The following TRIM44 variants were observed in gnomAD, a reference collection of about 807,000 sequenced individuals.
The protein encoded by TRIM44 is tripartite motif-containing protein 44.
Under a neutral mutation model 37.4 loss-of-function variants are expected in TRIM44, and 13 were observed. That is an observed-to-expected ratio of 0.35 (90% CI 0.23 to 0.55). TRIM44 has a LOEUF of 0.55. Among genes scored for constraint, TRIM44 ranks in the 20% least tolerant of loss-of-function variants. TRIM44 has a pLI of 0.89. For synonymous variants in TRIM44, 175 were observed against 157.2 expected, an observed-to-expected ratio of 1.11 and a Z score of -0.85; for missense variants, 426 against 437.2, an observed-to-expected ratio of 0.97 and a Z score of 0.23.
chr11:35,768,168 TA>T (rs1202982273), intron 4 of TRIM44, among the ~76,000 whole-genome samples: 1 of 152,226 alleles, frequency 6.6e-6, no homozygotes, highest in Non-Finnish European at 1.5e-5. Flanking sequence ...AGAGAATGTT[TA>T]ACTTGGATTC....
chr11:35,670,401 G>A (rs1851380589), intron 1 of TRIM44, among the ~76,000 whole-genome samples: 1 of 152,158 alleles, frequency 6.6e-6, no homozygotes, highest in African/African-American at 2.4e-5. Flanking sequence ...CCTTGTTTTG[G>A]ATGATCTTGA....
intron 4 of TRIM44, among the ~76,000 whole-genome samples, chr11:35,777,460 G>GT (rs2080053141): frequency 6.6e-6 from 1 of 152,064 alleles, no homozygotes; most frequent in Admixed American, 6.5e-5. Flanking sequence ...TACATTTAAG[G>GT]TTAATATTGT....
rs767991115 is a variant in TRIM44, at chr11:35,663,291, C to T, written c.180C>T (p.Tyr60=). 1.2e-6 allele frequency: 2 copies of T among 1,614,068 alleles called. No homozygotes were observed. Among genetic ancestry groups the T allele is most frequent in the East Asian group, 2.2e-5 (1 of 44,858 alleles). Residue 60 remains tyrosine, a synonymous_variant, in exon 1 of 5, where the codon TAC becomes TAT. Transcript: ENST00000299413. ...QKFLSHHLAE[Y]VHGSQAWTPP... ...TCCTCAGTCACCATCTGGCCGAATA[C>T]GTCCACGGCTCCCAGGCCTGGACCC...
At chr11:35,725,085 C>T (rs1852156726) in intron 2 of TRIM44, among the ~76,000 whole-genome samples, 1 of 151,792 alleles carries the variant, frequency 6.6e-6, no homozygotes. Context: ...CACACACACA[C>T]ACACACACAC....
At chr11:35,718,077 A>G (rs544607284) in intron 2 of TRIM44, among the ~76,000 whole-genome samples, 12 of 152,296 alleles carry the variant, frequency 7.9e-5, no homozygotes, top group East Asian at 3.9e-4. Flanking sequence ...TCTTTTGACA[A>G]TGCTCCTTAG....
intron 4 of TRIM44, among the ~76,000 whole-genome samples, chr11:35,767,068 C>T (rs910068605): frequency 2.0e-5 from 3 of 152,254 alleles, no homozygotes; most frequent in Non-Finnish European, 2.9e-5. Flanking sequence ...TGCTCTGGCT[C>T]TCAGACTGTC....
chr11:35,682,756 A>G (rs1851534241), intron 1 of TRIM44, among the ~76,000 whole-genome samples: 1 of 152,116 alleles, frequency 6.6e-6, no homozygotes, highest in South Asian at 2.1e-4. Context: ...CTGCTGACAC[A>G]CTGAATTTTT....
chr11:35,707,512 A>G (rs974933843), intron 2 of TRIM44, among the ~76,000 whole-genome samples: 1 of 152,178 alleles, frequency 6.6e-6, no homozygotes, highest in Non-Finnish European at 1.5e-5. Context: ...ACTTCAAACT[A>G]TACTACAAGG....
At chr11:35,727,656 T>C (rs1852195064) in intron 3 of TRIM44, among the ~76,000 whole-genome samples, 2 of 152,342 alleles carry the variant, frequency 1.3e-5, no homozygotes, top group South Asian at 4.1e-4. Context: ...TACGTCAGCA[T>C]TAACTCCATT....
At chr11:35,669,893 C>G (rs987911799) in intron 1 of TRIM44, among the ~76,000 whole-genome samples, 1 of 152,168 alleles carries the variant, frequency 6.6e-6, no homozygotes, top group African/African-American at 2.4e-5. Context: ...CGTGATCTTG[C>G]TCACTGCAAC....
chr11:35,764,813 C>T (rs1330314424), intron 4 of TRIM44, among the ~76,000 whole-genome samples: 1 of 152,106 alleles, frequency 6.6e-6, no homozygotes, highest in Non-Finnish European at 1.5e-5. Flanking sequence ...TATATCCTGG[C>T]ATTTTAACCA....
chr11:35,697,219 C>G, intron 2 of TRIM44, among the ~76,000 whole-genome samples: 1 of 115,944 alleles, frequency 8.6e-6, no homozygotes, highest in East Asian at 3.0e-4. Context: ...CCCCCTCCCC[C>G]CACCCCACAA....
intron 4 of TRIM44, among the ~76,000 whole-genome samples, chr11:35,804,574 A>G (rs556736589): frequency 6.6e-6 from 1 of 152,324 alleles, no homozygotes; most frequent in South Asian, 2.1e-4. Context: ...CAAGAGAACA[A>G]TGAGAGCTTG....
At chr11:35,772,733 A>G (rs1163389056) in intron 4 of TRIM44, among the ~76,000 whole-genome samples, 2 of 152,168 alleles carry the variant, frequency 1.3e-5, no homozygotes, top group Non-Finnish European at 2.9e-5. Context: ...GTATCTAGGA[A>G]GTAACTAAAT....
intron 2 of TRIM44, among the ~76,000 whole-genome samples, chr11:35,691,441 A>G (rs937447679): frequency 2.0e-5 from 3 of 152,212 alleles, no homozygotes; most frequent in Non-Finnish European, 2.9e-5. Flanking sequence ...CAATGGGATT[A>G]CATCCCAATA....
chr11:35,721,602 GA>G (rs1852107851), intron 2 of TRIM44, among the ~76,000 whole-genome samples: 1 of 152,212 alleles, frequency 6.6e-6, no homozygotes, highest in Non-Finnish European at 1.5e-5. Flanking sequence ...GGCTTCTGAA[GA>G]AGATGAGAAA....
chr11:35,801,896 A>G (rs543481422), intron 4 of TRIM44, among the ~76,000 whole-genome samples: 42 of 152,332 alleles, frequency 2.8e-4, no homozygotes, highest in Non-Finnish European at 5.7e-4. Flanking sequence ...AAGAAATTTT[A>G]AAAGTATGTG....
intron 4 of TRIM44, among the ~76,000 whole-genome samples, chr11:35,799,492 T>G (rs911904352): frequency 6.6e-6 from 1 of 152,210 alleles, no homozygotes; most frequent in African/African-American, 2.4e-5. Flanking sequence ...AAGCACGTGC[T>G]TGTATCTTCC....
intron 2 of TRIM44, among the ~76,000 whole-genome samples, chr11:35,707,298 TG>T (rs1308807521): frequency 6.6e-6 from 1 of 152,210 alleles, no homozygotes; most frequent in African/African-American, 2.4e-5. Flanking sequence ...TCCATGCTCA[TG>T]GGTAGGAAGA....
Sources: allele counts gnomAD v4.1 joint callset (sites outside exome capture counted in the v4.1 genomes callset), GRCh38; gene constraint gnomAD v4.1.1; transcripts MANE v1.5; gene names NCBI Gene and HGNC (gene_info 2026-07-23, HGNC 2026-07-21).